Variants in XYLT1 observed in about 807,000 individuals in gnomAD.
The protein encoded by XYLT1 is beta-D-xylosyltransferase 1.
XYLT1 carries 36 observed loss-of-function variants against 91.3 expected under a neutral mutation model. The observed-to-expected ratio is 0.39, with a 90% confidence interval of 0.30 to 0.52. The LOEUF (loss-of-function observed/expected upper bound fraction) is 0.52. Among genes scored for constraint, XYLT1 ranks in the 20% least tolerant of loss-of-function variants. The pLI is 0.68. For missense variants in XYLT1, 1,242 were observed against 1,284.5 expected (o/e 0.97, Z 0.51); for synonymous variants, 588 against 532.0 (o/e 1.11, Z -1.45).
At chr16:17,206,277 C>A (rs2032642186) in intron 3 of XYLT1, among the ~76,000 whole-genome samples, 1 of 152,048 alleles carries the variant, frequency 6.6e-6, no homozygotes, top group African/African-American at 2.4e-5. Context: ...GCTCAAGGTT[C>A]TTTGTTAGAT....
chr16:17,182,534 G>A (rs1405712832), intron 5 of XYLT1, among the ~76,000 whole-genome samples: 1 of 152,076 alleles, frequency 6.6e-6, no homozygotes, highest in Non-Finnish European at 1.5e-5. Context: ...ATTTTAGTGG[G>A]GCACGGTTCA....
chr16:17,231,809 T>G (rs1028919772), intron 3 of XYLT1, among the ~76,000 whole-genome samples: 2 of 152,062 alleles, frequency 1.3e-5, no homozygotes, highest in African/African-American at 4.8e-5. Context: ...TATAAGATAC[T>G]TATCATGAAT....
intron 2 of XYLT1, among the ~76,000 whole-genome samples, chr16:17,356,140 G>A (rs537985424): frequency 3.3e-5 from 5 of 152,166 alleles, no homozygotes; most frequent in African/African-American, 1.2e-4. Context: ...ACCACCAAAT[G>A]TCTTCAGACG....
chr16:17,212,394 A>C (rs917969822), intron 3 of XYLT1, among the ~76,000 whole-genome samples: 2 of 152,044 alleles, frequency 1.3e-5, no homozygotes, highest in African/African-American at 4.8e-5. Context: ...ACTCTTTTGA[A>C]ACTCCCCCTG....
chr16:17,328,971 T>A (rs2034856232), intron 2 of XYLT1, among the ~76,000 whole-genome samples: 1 of 152,252 alleles, frequency 6.6e-6, no homozygotes, highest in Admixed American at 6.5e-5. Flanking sequence ...TTGTAGCATT[T>A]CTATGTACTG....
In XYLT1 at chr16:17,259,274, A is replaced by T; in HGVS notation, c.627T>A (p.Pro209=). 6.2e-7 allele frequency: 1 copy of T among 1,613,832 alleles called. No individual in the cohort carries two copies. Among genetic ancestry groups the T allele is most frequent in the Non-Finnish European group, 8.5e-7 (1 of 1,179,956 alleles). ...QQEKGKGHTF[P]GKGPGEVLPP... is the part of the protein sequence containing the mutation. The stretch of plus-strand genomic sequence containing the variant: ...GCAGCACCTCACCGGGGCCTTTCCC[A>T]GGGAATGTATGTCCTTTTCCTTTCT... Residue 209 remains proline (P), a synonymous_variant, in exon 3 of 12, where the codon CCT becomes CCA. Coordinates refer to ENST00000261381, the MANE Select transcript of XYLT1 (RefSeq NM_022166.4).
intron 2 of XYLT1, among the ~76,000 whole-genome samples, chr16:17,357,713 T>C (rs912565879): frequency 6.6e-5 from 10 of 152,196 alleles, no homozygotes; most frequent in African/African-American, 2.4e-4. Flanking sequence ...CTCCGCATGA[T>C]GGTTGGGCAG....
intron 2 of XYLT1, among the ~76,000 whole-genome samples, chr16:17,327,191 T>C (rs2034818104): frequency 1.3e-5 from 2 of 152,196 alleles, no homozygotes; most frequent in Non-Finnish European, 2.9e-5. Context: ...ACATTCAACC[T>C]TTATATTCCA....
At chr16:17,303,408 T>C (rs1460097630) in intron 2 of XYLT1, among the ~76,000 whole-genome samples, 2 of 152,250 alleles carry the variant, frequency 1.3e-5, no homozygotes, top group East Asian at 3.8e-4. Flanking sequence ...CTAATCTATC[T>C]GGTCCTCTAC....
At chr16:17,367,916 T>C (rs1374170912) in intron 1 of XYLT1, among the ~76,000 whole-genome samples, 1 of 152,184 alleles carries the variant, frequency 6.6e-6, no homozygotes, top group Non-Finnish European at 1.5e-5. Flanking sequence ...GTGTAGAATG[T>C]CAGTTTTTTG....
chr16:17,420,989 C>A (rs2036244420), intron 1 of XYLT1, among the ~76,000 whole-genome samples: 1 of 152,148 alleles, frequency 6.6e-6, no homozygotes, highest in South Asian at 2.1e-4. Flanking sequence ...ACGAGTCAAC[C>A]ACTCTTGCAC....
chr16:17,175,731 C>A (rs2031928730), intron 5 of XYLT1, among the ~76,000 whole-genome samples: 1 of 152,198 alleles, frequency 6.6e-6, no homozygotes, highest in South Asian at 2.1e-4. Flanking sequence ...CAGCATATAG[C>A]CAGACAGGTG....
chr16:17,424,696 C>CG (rs1461479031), intron 1 of XYLT1, among the ~76,000 whole-genome samples: 1 of 151,876 alleles, frequency 6.6e-6, no homozygotes, highest in Non-Finnish European at 1.5e-5. Flanking sequence ...GGTGAAACCC[C>CG]GTCTTTACTA....
At chr16:17,277,033 C>A (rs1426203811) in intron 2 of XYLT1, among the ~76,000 whole-genome samples, 1 of 152,172 alleles carries the variant, frequency 6.6e-6, no homozygotes, top group Non-Finnish European at 1.5e-5. Context: ...TTACTGAGTG[C>A]CAAGTACATC....
Position 17,127,650 on chromosome 16 carries a change from A to G in XYLT1, c.2223+16T>C. 2 of 1,608,404 alleles carry G rather than the reference A, an allele frequency of 1.2e-6. No homozygotes were observed. The highest frequency in any genetic ancestry group is 1.7e-6 in the Non-Finnish European group (2 of 1,177,636). The stretch of plus-strand genomic sequence containing the variant: ...ATGCAAAATACAATGAAATGTGACA[A>G]GACCTGGCCTCTTACCTCGGAAAAC... On this transcript the variant is annotated intron_variant, in intron 10 of 11. Transcript: ENST00000261381.
intron 2 of XYLT1, among the ~76,000 whole-genome samples, chr16:17,302,125 A>AACC (rs1238644055): frequency 6.6e-6 from 1 of 152,034 alleles, no homozygotes; most frequent in Non-Finnish European, 1.5e-5. Context: ...GAATTGCTTG[A>AACC]ACCCACCAGG....
Position 17,108,863 on chromosome 16 carries a change from T to C in XYLT1, c.2712A>G (p.Gly904=). Residue 904 remains glycine, a synonymous_variant, in exon 12 of 12, where the codon GGA becomes GGG. Coordinates refer to ENST00000261381, the MANE Select transcript of XYLT1 (RefSeq NM_022166.4). ...NAASTGTALE[G]WLDSLVGGMW... ...TCCCGCCCACCAACGAGTCCAGCCA[T>C]CCCTCCAGCGCTGTGCCCGTGGAGG... 1 of 1,613,360 alleles carries C rather than the reference T, an allele frequency of 6.2e-7. No individual in the cohort carries two copies. The highest frequency in any genetic ancestry group is 8.5e-7 in the Non-Finnish European group (1 of 1,179,854).
chr16:17,117,827 T>C lies in XYLT1; in HGVS notation c.2376A>G (p.Ala792=), dbSNP rs111893236. ...ACTCAATGAGGATGTCGTAGGTGGCTGCGATGACATTGACGGGATCCACCC... is the reference window on the plus strand; with the variant it reads ...ACTCAATGAGGATGTCGTAGGTGGCCGCGATGACATTGACGGGATCCACCC... ...VIWVDPVNVI[A]ATYDILIEST... is the part of the protein sequence containing the mutation. The change falls in exon 11 of 12, where the codon GCA becomes GCG. Residue 792 remains alanine, a synonymous_variant. Coordinates refer to ENST00000261381, the MANE Select transcript of XYLT1 (RefSeq NM_022166.4). 6.2e-7 allele frequency: 1 copy of C among 1,614,116 alleles called. No homozygotes were observed. Among genetic ancestry groups the C allele is most frequent in the South Asian group, 1.1e-5 (1 of 91,076 alleles).
intron 6 of XYLT1, among the ~76,000 whole-genome samples, chr16:17,150,823 T>C (rs778017699): frequency 1.3e-5 from 2 of 152,114 alleles, no homozygotes; most frequent in Non-Finnish European, 2.9e-5. Context: ...AGGGACTTAA[T>C]TAGTGGAGAT....
Sources: allele counts gnomAD v4.1 joint callset (sites outside exome capture counted in the v4.1 genomes callset), GRCh38; gene constraint gnomAD v4.1.1; transcripts MANE v1.5; gene names NCBI Gene and HGNC (gene_info 2026-07-23, HGNC 2026-07-21).